The following UNC5B variants were observed in gnomAD, a reference collection of about 807,000 sequenced individuals.
UNC5B encodes netrin receptor UNC5B.
UNC5B carries 56 observed loss-of-function variants against 103.7 expected under a neutral mutation model. The observed-to-expected ratio is 0.54, with a 90% CI of 0.44 to 0.67. The LOEUF is 0.67. Ranked by LOEUF, UNC5B falls within the 30% of genes least tolerant of loss-of-function variation. The pLI is 0.00. For synonymous variants in UNC5B, 577 were observed against 542.0 expected, an observed-to-expected ratio of 1.06 and a Z score of -0.90; for missense variants, 1,194 against 1,284.5, an observed-to-expected ratio of 0.93 and a Z score of 1.08.
At chr10:71,227,016 G>C (rs568401968) in intron 1 of UNC5B, among the ~76,000 whole-genome samples, 1 of 141,706 alleles carries the variant, frequency 7.1e-6, no homozygotes, top group African/African-American at 2.6e-5. Context: ...ACGGAGTCTT[G>C]CTCTGTTGCC....
At chr10:71,220,710 T>C (rs1018177128) in intron 1 of UNC5B, among the ~76,000 whole-genome samples, 5 of 152,158 alleles carry the variant, frequency 3.3e-5, no homozygotes, top group African/African-American at 9.7e-5. Flanking sequence ...CTTAGCACAG[T>C]GCCCGGCACA....
intron 1 of UNC5B, among the ~76,000 whole-genome samples, chr10:71,271,032 G>C (rs1844634702): frequency 6.6e-6 from 1 of 152,160 alleles, no homozygotes. Context: ...ACCTGTCACT[G>C]AGTGGGGGGC....
chr10:71,225,997 C>T (rs1411205677), intron 1 of UNC5B, among the ~76,000 whole-genome samples: 1 of 152,202 alleles, frequency 6.6e-6, no homozygotes, highest in Non-Finnish European at 1.5e-5. Flanking sequence ...TCTCCTCCTC[C>T]CCACCCCCTA....
chr10:71,217,417 C>G (rs966970208), intron 1 of UNC5B: 7 of 152,238 alleles, frequency 4.6e-5, no homozygotes, highest in African/African-American at 1.7e-4. Flanking sequence ...GCGCCGCGGG[C>G]TTTTCCGCCG....
At chr10:71,241,518 G>A (rs1477406496) in intron 1 of UNC5B, among the ~76,000 whole-genome samples, 1 of 152,228 alleles carries the variant, frequency 6.6e-6, no homozygotes, top group African/African-American at 2.4e-5. Context: ...AGGCCCTGGT[G>A]AACACATGTA....
chr10:71,288,505 A>G (rs1006695085), intron 6 of UNC5B, 63 bp from the exon 7 acceptor site: 1 of 1,568,674 alleles, frequency 6.4e-7, no homozygotes, highest in East Asian at 2.3e-5. Flanking sequence ...TCTGTTCTGC[A>G]CACATAACTA....
At chr10:71,224,364 GAC>G (rs58378731) in intron 1 of UNC5B, among the ~76,000 whole-genome samples, 16,716 of 97,036 alleles carry the variant, frequency 0.17, 1,723 homozygotes, top group Non-Finnish European at 0.19. Context: ...TCTGTATGTA[GAC>G]ACACACACAC....
At position 71,288,749 on chromosome 10, in the gene UNC5B, G is replaced by C; in HGVS notation, c.1066+17G>C. On this transcript the variant is annotated intron_variant, in intron 7 of 16. Coordinates refer to ENST00000335350, the MANE Select transcript of UNC5B (RefSeq NM_170744.5). ...GCATGCAAAGTGAGTCACAGGGAAG[G>C]TGGGGCCCTGGGGGTGGGGACTCTG... 6.3e-7 allele frequency: 1 copy of C among 1,595,616 alleles called. No individual in the cohort carries two copies. Among genetic ancestry groups the C allele is most frequent in the Non-Finnish European group, 8.6e-7 (1 of 1,168,776 alleles).
intron 13 of UNC5B, 141 bp downstream of exon 13, chr10:71,294,074 A>G (rs1159393301): frequency 2.7e-6 from 2 of 738,220 alleles, no homozygotes; most frequent in African/African-American, 3.6e-5. Context: ...TGCGACCCTC[A>G]CACACTGAAA....
At chr10:71,271,948 G>T (rs907322461) in intron 1 of UNC5B, among the ~76,000 whole-genome samples, 1 of 152,132 alleles carries the variant, frequency 6.6e-6, no homozygotes, top group African/African-American at 2.4e-5. Context: ...ATTTGTCATC[G>T]GTAACGGCCA....
intron 8 of UNC5B, among the ~76,000 whole-genome samples, chr10:71,290,571 C>T (rs1292748970): frequency 6.6e-6 from 1 of 152,176 alleles, no homozygotes; most frequent in Non-Finnish European, 1.5e-5. Flanking sequence ...GGTTTCAGCC[C>T]CAGCACTCAC....
At chr10:71,275,804 G>C (rs112119524) in intron 1 of UNC5B, among the ~76,000 whole-genome samples, 27 of 151,928 alleles carry the variant, frequency 1.8e-4, no homozygotes, top group African/African-American at 6.3e-4. Flanking sequence ...TGGGAGACAC[G>C]GTAATACTAG....
intron 4 of UNC5B, among the ~76,000 whole-genome samples, chr10:71,285,947 G>A (rs930094924): frequency 2.6e-5 from 4 of 152,150 alleles, no homozygotes; most frequent in Non-Finnish European, 2.9e-5. Context: ...CAGAGTGGAC[G>A]GCTGGGGCAG....
chr10:71,259,562 A>G (rs1225147469), intron 1 of UNC5B, among the ~76,000 whole-genome samples: 3 of 152,220 alleles, frequency 2.0e-5, no homozygotes, highest in Non-Finnish European at 1.5e-5. Context: ...TCACACAGCC[A>G]GTTAGACTGT....
chr10:71,275,012 C>T (rs1174817621), intron 1 of UNC5B, among the ~76,000 whole-genome samples: 1 of 152,208 alleles, frequency 6.6e-6, no homozygotes, highest in Non-Finnish European at 1.5e-5. Flanking sequence ...ATTTTACAGA[C>T]AGAAACTCCA....
At chr10:71,260,991 G>A (rs1452290545) in intron 1 of UNC5B, among the ~76,000 whole-genome samples, 1 of 152,234 alleles carries the variant, frequency 6.6e-6, no homozygotes, top group Non-Finnish European at 1.5e-5. Flanking sequence ...GGTGAGGGCA[G>A]CAGAGCAGCC....
intron 1 of UNC5B, among the ~76,000 whole-genome samples, chr10:71,269,443 C>A (rs1202276282): frequency 6.6e-6 from 1 of 151,082 alleles, no homozygotes; most frequent in Admixed American, 6.6e-5. Flanking sequence ...AGACCACACC[C>A]TCTCTGGTCT....
chr10:71,238,929 C>T (rs1049536516), intron 1 of UNC5B, among the ~76,000 whole-genome samples: 5 of 152,130 alleles, frequency 3.3e-5, no homozygotes, highest in Non-Finnish European at 7.4e-5. Context: ...CAGGTGTGCA[C>T]CATCATGCCT....
chr10:71,285,926 G>C (rs985671439), intron 4 of UNC5B, among the ~76,000 whole-genome samples: 7 of 152,206 alleles, frequency 4.6e-5, no homozygotes, highest in African/African-American at 1.7e-4. Flanking sequence ...CTGCATCTCA[G>C]CTTTGCCCAG....
Sources: gnomAD v4.1 joint callset for allele counts (sites outside exome capture counted in the v4.1 genomes callset) on GRCh38, gnomAD v4.1.1 for gene constraint, MANE v1.5 for transcripts, NCBI Gene and HGNC (gene_info 2026-07-23, HGNC 2026-07-21) for gene names.